ARHGAP45: variants seen among roughly 807,000 people sequenced by gnomAD.
The protein encoded by ARHGAP45 is rho GTPase-activating protein 45.
A neutral mutation model predicts 116.1 loss-of-function variants in ARHGAP45; 56 were observed. The observed-to-expected ratio is 0.48, with a 90% CI of 0.39 to 0.60. The LOEUF is 0.60. Among genes scored for constraint, ARHGAP45 ranks in the 20% least tolerant of loss-of-function variants. ARHGAP45 has a pLI of 0.00. For missense variants in ARHGAP45, 1,622 were observed against 1,601.0 expected (o/e 1.01, Z -0.22); for synonymous variants, 866 against 701.7 (o/e 1.23, Z -3.70).
intron 11 of ARHGAP45, among the ~76,000 whole-genome samples, chr19:1,078,699 G>T (rs2043339216): frequency 6.7e-6 from 1 of 150,148 alleles, no homozygotes; most frequent in Admixed American, 6.7e-5. Flanking sequence ...ATGAGCCACC[G>T]CGCCCGGCCC....
intron 1 of ARHGAP45, 84 bp downstream of exon 1, chr19:1,067,579 GGGCGGC>G: frequency 1.5e-6 from 2 of 1,339,326 alleles, no homozygotes; most frequent in Non-Finnish European, 2.1e-6. Flanking sequence ...GCTCATGCTG[GGGCGGC>G]GGCTGGGGGC....
chr19:1,077,426 G>A (rs1195534432), intron 10 of ARHGAP45: 5 of 994,168 alleles, frequency 5.0e-6, no homozygotes, highest in Non-Finnish European at 6.0e-6. Context: ...AGGCTGGAGT[G>A]CAGTGGTGCA....
Position 1,074,628 on chromosome 19 carries a change from C to G in ARHGAP45, c.1008C>G (p.Leu336=). 6.3e-7 allele frequency: 1 copy of G among 1,598,644 alleles called. No homozygotes were observed. The highest frequency in any genetic ancestry group is 1.7e-5 in the Admixed American group (1 of 58,388). ...QSVMQEPHMP[L]LSIYSLALEQ... Reference sequence around the variant, plus strand: ...CCCACCCACAGCCCCACATGCCGCTCCTGTCCATCTACTCGCTGGCCCTGG... The same window carrying G: ...CCCACCCACAGCCCCACATGCCGCTGCTGTCCATCTACTCGCTGGCCCTGG... The change falls in exon 9 of 23, where the codon CTC becomes CTG. Residue 336 remains leucine (L), a synonymous_variant. Coordinates refer to ENST00000313093, the MANE Select transcript of ARHGAP45 (RefSeq NM_012292.5).
Position 1,080,495 on chromosome 19 carries a change from G to C in ARHGAP45, c.1860G>C (p.Trp620Cys). The change falls in exon 15 of 23, where the codon TGG (tryptophan) becomes TGC (cysteine). Residue 620 changes from tryptophan to cysteine, a missense_variant. By Grantham distance (215) the Trp-to-Cys change is radical. Around this residue, in one of 3 missense-constraint regions of ARHGAP45, gnomAD observed 1,334 missense variants for 1,263.8 expected, o/e 1.06. Transcript: ENST00000313093. ...GAGGACACCAGGTTCACAAGTCATGGCCGCTCTCGATCTCAGACTCGGACA... is the reference window on the plus strand; with the variant it reads ...GAGGACACCAGGTTCACAAGTCATGCCCGCTCTCGATCTCAGACTCGGACA... Reference protein sequence around the residue: ...AGRGHQVHKSWPLSISDSDSG... With the variant: ...AGRGHQVHKSCPLSISDSDSG... The C allele has an allele frequency of 6.2e-7, 1 of 1,612,950 alleles. No individual in the cohort carries two copies. Among genetic ancestry groups the C allele is most frequent in the East Asian group, 2.2e-5 (1 of 44,880 alleles).
rs1449754940 is a variant in ARHGAP45, at chr19:1,079,687, C to T, written c.1375-16C>T. The T allele has an allele frequency of 6.2e-7, 1 of 1,612,080 alleles. No homozygotes were observed. The highest frequency in any genetic ancestry group is 8.5e-7 in the Non-Finnish European group (1 of 1,179,504). ...CGGGCTGAGGCCTCTCTCTGTGCGC[C>T]CCGCCCCCACCGCAGGCGGAGGAAG... On this transcript the variant is annotated splice_polypyrimidine_tract_variant and intron_variant, in intron 11 of 22. Coordinates refer to ENST00000313093, the MANE Select transcript of ARHGAP45 (RefSeq NM_012292.5).
Position 1,073,715 on chromosome 19 carries a change from T to C in ARHGAP45, c.692T>C (p.Leu231Pro). The C allele has an allele frequency of 6.2e-7, 1 of 1,601,038 alleles. No homozygotes were observed. The highest frequency in any genetic ancestry group is 8.5e-7 in the Non-Finnish European group (1 of 1,173,572). ...ATGGGTGAAGTGGACAGCAGCACCC[T>C]CCTAGCAGTGCCTCCTGGGGACTCG... ...FLMGEVDSST[L>P]LAVPPGDSSQ... Residue 231 changes from leucine to proline, a missense_variant, in exon 5 of 23, where the codon CTC (leucine) becomes CCC (proline). Transcript: ENST00000313093.
At chr19:1,074,292 T>C in intron 7 of ARHGAP45, 51 bp downstream of exon 7, 1 of 1,611,924 alleles carries the variant, frequency 6.2e-7, no homozygotes, top group African/African-American at 1.3e-5. Flanking sequence ...GGGTTCTGGG[T>C]GAGCTGGGAA....
At chr19:1,070,812 G>C (rs914868927) in intron 2 of ARHGAP45, among the ~76,000 whole-genome samples, 5 of 152,076 alleles carry the variant, frequency 3.3e-5, no homozygotes, top group Admixed American at 3.3e-4. Flanking sequence ...TCTCGGGGCC[G>C]CCCCAGGCCA....
chr19:1,074,853 G>C lies in ARHGAP45; in HGVS notation c.1159G>C (p.Ala387Pro), dbSNP rs749157208. The change falls in exon 10 of 23, where the codon GCC becomes CCC. Residue 387 changes from alanine (A) to proline (P), a missense_variant. Around this residue, in one of 3 missense-constraint regions of ARHGAP45, gnomAD observed 1,334 missense variants for 1,263.8 expected, o/e 1.06. Coordinates refer to ENST00000313093, the MANE Select transcript of ARHGAP45 (RefSeq NM_012292.5). The stretch of plus-strand genomic sequence containing the variant: ...GAAGCGCAGGAAGGAGATCAAGGAG[G>C]CCTGGCACCGTGCCCAGAGGAAGCT... ...HEKRRKEIKE[A>P]WHRAQRKLQE... 6.5e-7 allele frequency: 1 copy of C among 1,540,644 alleles called. No homozygotes were observed. Among genetic ancestry groups the C allele is most frequent in the Non-Finnish European group, 8.8e-7 (1 of 1,141,258 alleles).
rs1195105231 is a variant in ARHGAP45, at chr19:1,073,192, T to C, written c.465T>C (p.Gly155=). The change falls in exon 3 of 23, where the codon GGT becomes GGC. Residue 155 remains glycine, a synonymous_variant. Transcript: ENST00000313093. The part of the protein sequence containing the change: ...ARRPRAHECL[G]EALRVMHQII... ...GCCCGCGGGCCCACGAGTGCCTGGG[T>C]GAGGCTCTGCGTGTCATGCATCAGA... The C allele has an allele frequency of 1.2e-6, 2 of 1,612,206 alleles. No homozygotes were observed. The highest frequency in any genetic ancestry group is 2.2e-5 in the East Asian group (1 of 44,862).
Position 1,067,338 on chromosome 19 carries a change from C to A in ARHGAP45, c.-68C>A, listed in dbSNP as rs1357829064. On this transcript the variant is annotated 5_prime_UTR_variant, in exon 1 of 23. Transcript: ENST00000313093. ...CGGCGACAATGTGGTCCCGAAGCGGCCAGCGCCGGGAGCTGCAGCGCTGAG... is the reference window on the plus strand; with the variant it reads ...CGGCGACAATGTGGTCCCGAAGCGGACAGCGCCGGGAGCTGCAGCGCTGAG... 1.4e-6 allele frequency: 2 copies of A among 1,470,750 alleles called. No individual in the cohort carries two copies. Among genetic ancestry groups the A allele is most frequent in the East Asian group, 2.7e-5 (1 of 37,338 alleles). 91.1% of individuals were successfully genotyped at this position (1,470,750 alleles called of 1,614,324 possible). A position where few individuals can be genotyped will look rare whatever the true frequency, so the allele number is the denominator to read the frequency against.
At chr19:1,085,363 G>A (rs771049276) in intron 22 of ARHGAP45, among the ~76,000 whole-genome samples, 2 of 152,108 alleles carry the variant, frequency 1.3e-5, no homozygotes, top group Admixed American at 1.3e-4. Flanking sequence ...ACAACACGTG[G>A]GAATTATGGG....
chr19:1,074,291 G>C (rs774504449), intron 7 of ARHGAP45, 50 bp downstream of exon 7: 1 of 1,612,116 alleles, frequency 6.2e-7, no homozygotes, highest in Admixed American at 1.7e-5. Flanking sequence ...GGGGTTCTGG[G>C]TGAGCTGGGA....
intron 10 of ARHGAP45, chr19:1,077,028 G>A (rs80072987): frequency 5.3e-5 from 52 of 983,112 alleles, no homozygotes; most frequent in Middle Eastern, 5.2e-4. Context: ...GGCGCCTGGC[G>A]GTCTCCTAGT....
chr19:1,074,235 A>G lies in ARHGAP45; in HGVS notation c.922A>G (p.Thr308Ala). Residue 308 changes from threonine (T) to alanine (A), a missense_variant, in exon 7 of 23, where the codon ACG (threonine) becomes GCG (alanine). By Grantham distance (58) the Thr-to-Ala change is moderately conservative. Around this residue, in one of 3 missense-constraint regions of ARHGAP45, gnomAD observed 1,334 missense variants for 1,263.8 expected, o/e 1.06. Coordinates refer to ENST00000313093, the MANE Select transcript of ARHGAP45 (RefSeq NM_012292.5). ...DLISYLEKRT[T>A]LEMEFAKGLQ... ...CATCAGCTACCTGGAGAAGCGGACG[A>G]CGCTGGGTGAGAGCTGGTGTCCCAG... 6.2e-7 allele frequency: 1 copy of G among 1,613,028 alleles called. No individual in the cohort carries two copies. The highest frequency in any genetic ancestry group is 2.2e-5 in the East Asian group (1 of 44,876).
chr19:1,076,515 A>G lies in ARHGAP45; in HGVS notation c.1186-1342A>G, dbSNP rs2043254314. On this transcript the variant is annotated intron_variant, in intron 10 of 22. Coordinates refer to ENST00000313093, the MANE Select transcript of ARHGAP45 (RefSeq NM_012292.5). ...TTTTTTTTTTTTTTTTTTTTTTTTGAGACAAGAGCCTCACTCTGTTGCCCA... is the reference window on the plus strand; with the variant it reads ...TTTTTTTTTTTTTTTTTTTTTTTTGGGACAAGAGCCTCACTCTGTTGCCCA... Among the ~76,000 whole-genome samples the G allele has an allele frequency of 2.7e-4, 11 of 41,110 alleles. 1 individual carries two copies. In the South Asian group the frequency reaches 6.4e-3, roughly 24 times the overall value. The allele number at this position is 41,110 out of a possible 152,430, so 27.0% of individuals were successfully genotyped here.
intron 22 of ARHGAP45, 35 bp from the exon 23 acceptor site, chr19:1,085,625 T>C (rs1381659057): frequency 1.4e-6 from 2 of 1,460,058 alleles, no homozygotes; most frequent in Non-Finnish European, 1.8e-6. Flanking sequence ...ATCTCTCCTG[T>C]CTGTCTCCCC....
At chr19:1,075,670 G>A (rs1016389189) in intron 10 of ARHGAP45, among the ~76,000 whole-genome samples, 1 of 152,164 alleles carries the variant, frequency 6.6e-6, no homozygotes, top group Non-Finnish European at 1.5e-5. Context: ...CTGGACTGCA[G>A]TGACGCAATC....
rs570969655 is a variant in ARHGAP45, at chr19:1,073,695, T to C, written c.672T>C (p.Gly224=). The C allele has an allele frequency of 1.2e-6, 2 of 1,605,712 alleles. No homozygotes were observed. The highest frequency in any genetic ancestry group is 2.7e-5 in the African/African-American group (2 of 74,836). ...GCAGAGTGTCCGAGTTCCTCATGGG[T>C]GAAGTGGACAGCAGCACCCTCCTAG... The part of the protein sequence containing the change: ...FSSTVSEFLM[G]EVDSSTLLAV... Residue 224 remains glycine, a synonymous_variant, in exon 5 of 23, where the codon GGT becomes GGC. Transcript: ENST00000313093.
Sources: allele counts gnomAD v4.1 joint callset (sites outside exome capture counted in the v4.1 genomes callset), GRCh38; gene constraint gnomAD v4.1.1; regional missense constraint gnomAD v4.1.1; transcripts MANE v1.5; gene names NCBI Gene and HGNC (gene_info 2026-07-23, HGNC 2026-07-21).